SEC22A: variants seen among roughly 807,000 people sequenced by gnomAD.
The protein encoded by SEC22A is vesicle-trafficking protein SEC22a.
In SEC22A, 22 loss-of-function variants were observed where a neutral mutation model predicts 35.3. That is an observed-to-expected ratio of 0.62 (90% CI 0.45 to 0.89). The LOEUF is 0.89. SEC22A is among the 40% of genes least tolerant of loss of function. SEC22A has a pLI of 0.00. For missense variants in SEC22A, 354 were observed against 362.5 expected, an observed-to-expected ratio of 0.98 and a Z score of 0.19; for synonymous variants, 119 against 129.5, an observed-to-expected ratio of 0.92 and a Z score of 0.55.
rs550562079 is a variant in SEC22A at position 123,253,712 on chromosome 3, C to CAA, written c.658-5796_658-5795dup. ...TGGGCGACAGAGCAAGACTCCATCT[C>CAA]AAAAAAAAAAAAAAAAAGAAAGAAA... On this transcript the variant is annotated intron_variant, in intron 5 of 6. Transcript: ENST00000492595. Among the ~76,000 whole-genome samples the CAA allele has an allele frequency of 5.9e-3, 613 of 103,142 alleles. 2 individuals are homozygous for CAA. Among genetic ancestry groups the CAA allele is most frequent in the African/African-American group, 0.016 (446 of 28,746 alleles). 67.7% of individuals were successfully genotyped at this position (103,142 alleles called of 152,430 possible).
At chr3:123,264,581 T>C (rs531811022) in intron 6 of SEC22A, among the ~76,000 whole-genome samples, 7 of 152,132 alleles carry the variant, frequency 4.6e-5, no homozygotes, top group Non-Finnish European at 1.0e-4. Flanking sequence ...CATTGTTTCA[T>C]GTATTTGTCA....
At chr3:123,215,144 C>T (rs1301842739) in intron 2 of SEC22A, among the ~76,000 whole-genome samples, 2 of 152,168 alleles carry the variant, frequency 1.3e-5, no homozygotes, top group Non-Finnish European at 2.9e-5. Context: ...CTGTGAAGGG[C>T]TATTAAATAG....
At chr3:123,216,089 TG>T (rs1334001521) in intron 2 of SEC22A, among the ~76,000 whole-genome samples, 1 of 152,206 alleles carries the variant, frequency 6.6e-6, no homozygotes, top group Non-Finnish European at 1.5e-5. Flanking sequence ...CTGCTTATTA[TG>T]GCAAAATGTA....
At chr3:123,206,719 G>T (rs553587459) in intron 1 of SEC22A, among the ~76,000 whole-genome samples, 1 of 152,292 alleles carries the variant, frequency 6.6e-6, no homozygotes, top group South Asian at 2.1e-4. Flanking sequence ...ATTGGGATAT[G>T]TCACACTGGG....
intron 4 of SEC22A, among the ~76,000 whole-genome samples, chr3:123,235,793 C>G (rs7625749): frequency 0.2 from 29,924 of 152,062 alleles, 3,047 homozygotes; most frequent in Middle Eastern, 0.28. Context: ...GTGTAGACAC[C>G]CAACTGTCCA....
At chr3:123,259,617 A>C in intron 6 of SEC22A, 28 bp downstream of exon 6, 1 of 1,487,348 alleles carries the variant, frequency 6.7e-7, no homozygotes. Context: ...TTAAAGAAAC[A>C]CTTACCATTA....
chr3:123,267,658 C>T (rs1283109869), intron 6 of SEC22A, among the ~76,000 whole-genome samples: 1 of 152,112 alleles, frequency 6.6e-6, no homozygotes, highest in Non-Finnish European at 1.5e-5. Context: ...CATACCATGT[C>T]CTTTTTTCTT....
chr3:123,240,284 G>C (rs1219199631), intron 4 of SEC22A, among the ~76,000 whole-genome samples: 2 of 152,162 alleles, frequency 1.3e-5, no homozygotes, highest in Non-Finnish European at 2.9e-5. Flanking sequence ...CCCCCGAAAA[G>C]TTTCTTTGTG....
chr3:123,225,923 C>T (rs1687290488), intron 4 of SEC22A, among the ~76,000 whole-genome samples: 1 of 145,548 alleles, frequency 6.9e-6, no homozygotes, highest in Non-Finnish European at 1.5e-5. Context: ...AACTTTAGCT[C>T]CCACAAATGA....
At chr3:123,233,092 T>C (rs1014617014) in intron 4 of SEC22A, among the ~76,000 whole-genome samples, 2 of 152,196 alleles carry the variant, frequency 1.3e-5, no homozygotes, top group Admixed American at 1.3e-4. Flanking sequence ...ATGACACCAC[T>C]GCACTCCAGC....
At chr3:123,213,530 T>C (rs1052513922) in intron 2 of SEC22A, among the ~76,000 whole-genome samples, 2 of 152,224 alleles carry the variant, frequency 1.3e-5, no homozygotes, top group Non-Finnish European at 2.9e-5. Context: ...ATGTCTCTAA[T>C]GATCTCACTC....
intron 1 of SEC22A, among the ~76,000 whole-genome samples, chr3:123,202,682 T>C (rs1936769931): frequency 6.6e-6 from 1 of 152,134 alleles, no homozygotes; most frequent in African/African-American, 2.4e-5. Context: ...TAAGATAATT[T>C]TTCCCTGCTG....
At chr3:123,206,980 C>A (rs187387067) in intron 1 of SEC22A, among the ~76,000 whole-genome samples, 2 of 152,104 alleles carry the variant, frequency 1.3e-5, no homozygotes, top group Admixed American at 1.3e-4. Context: ...CCTAGCTACT[C>A]GCGAGGCTGA....
At chr3:123,271,043 T>A (rs115248028) in intron 6 of SEC22A, among the ~76,000 whole-genome samples, 1 of 152,384 alleles carries the variant, frequency 6.6e-6, no homozygotes, top group Middle Eastern at 3.4e-3. Flanking sequence ...GTACCTAGCA[T>A]AGTTCCTTGT....
At chr3:123,227,451 T>C (rs1937234478) in intron 4 of SEC22A, among the ~76,000 whole-genome samples, 1 of 150,628 alleles carries the variant, frequency 6.6e-6, no homozygotes. Context: ...CACGGGGGCC[T>C]GTCAAGGGGT....
At chr3:123,249,613 C>G (rs1481709408) in intron 5 of SEC22A, among the ~76,000 whole-genome samples, 1 of 152,146 alleles carries the variant, frequency 6.6e-6, no homozygotes, top group Non-Finnish European at 1.5e-5. Context: ...CAGCCTCTGC[C>G]TCCCAGGTTC....
At chr3:123,226,328 C>G (rs1204359147) in intron 4 of SEC22A, among the ~76,000 whole-genome samples, 1 of 152,164 alleles carries the variant, frequency 6.6e-6, no homozygotes, top group Non-Finnish European at 1.5e-5. Flanking sequence ...CAACAGTGTT[C>G]CCTTTCTTCC....
intron 4 of SEC22A, among the ~76,000 whole-genome samples, chr3:123,238,438 T>C (rs1231009959): frequency 6.6e-6 from 1 of 152,122 alleles, no homozygotes; most frequent in Non-Finnish European, 1.5e-5. Context: ...CCTCGTGATC[T>C]GCCCACTTTG....
intron 2 of SEC22A, among the ~76,000 whole-genome samples, chr3:123,210,363 A>T (rs1936921428): frequency 6.6e-6 from 1 of 152,176 alleles, no homozygotes; most frequent in East Asian, 1.9e-4. Context: ...TTGAAATAGG[A>T]TGTGAAGGTA....
Sources: allele counts gnomAD v4.1 joint callset (sites outside exome capture counted in the v4.1 genomes callset), GRCh38; gene constraint gnomAD v4.1.1; transcripts MANE v1.5; gene names NCBI Gene and HGNC (gene_info 2026-07-23, HGNC 2026-07-21).